EOGT: variants seen among roughly 807,000 people sequenced by gnomAD.
EOGT encodes EGF domain-specific O-linked N-acetylglucosamine transferase.
A neutral mutation model predicts 70.5 loss-of-function variants in EOGT; 55 were observed. That is an observed-to-expected ratio of 0.78 (90% CI 0.63 to 0.98). The LOEUF (loss-of-function observed/expected upper bound fraction) is 0.98, where lower values mean the gene tolerates loss of function less well. Among genes scored for constraint, EOGT ranks in the 50% least tolerant of loss-of-function variants. The pLI is 0.00. For synonymous variants in EOGT, 246 were observed against 217.1 expected (o/e 1.13, Z -1.17); for missense variants, 703 against 641.9 (o/e 1.10, Z -1.03).
chr3:68,982,833 G>A lies in EOGT; in HGVS notation c.1192C>T (p.Gln398Ter), dbSNP rs1575712990. ...ALKTVSTFEV[Q>*]IVDYKYRELG... ...TACCTATACTTGTAATCAACAATCT[G>A]GACTTCAAATGTAGATACTGTTTTC... The change falls in exon 15 of 18, where the codon CAG becomes TAG. Residue 398 changes from glutamine (Q) to a stop codon, truncating the protein, a stop_gained. Transcript: ENST00000383701. LOFTEE classifies it high-confidence loss of function. 4.4e-6 allele frequency: 7 copies of A among 1,605,868 alleles called. No homozygotes were observed. Among genetic ancestry groups the A allele is most frequent in the Non-Finnish European group, 6.0e-6 (7 of 1,176,408 alleles).
At chr3:69,011,844 T>C (rs1012772301) in intron 3 of EOGT, 92 bp downstream of exon 3, 2 of 152,136 alleles carry the variant, frequency 1.3e-5, no homozygotes, top group Non-Finnish European at 2.9e-5. Flanking sequence ...ACTTGGAGCT[T>C]TTATCCAAGA....
At position 68,988,285 on chromosome 3, in the gene EOGT, T is replaced by C. The variant is rs1295035522; in HGVS notation, c.1083+10A>G. On this transcript the variant is annotated intron_variant, in intron 13 of 17. Coordinates refer to ENST00000383701, the MANE Select transcript of EOGT (RefSeq NM_001278689.2). ...CAAGCCCACCTCAGAATCCGCAGTG[T>C]ATCCATTACCTTAGGTCCTTCTTGT... 7.9e-6 allele frequency: 12 copies of C among 1,526,318 alleles called. No individual in the cohort carries two copies. Among genetic ancestry groups the C allele is most frequent in the Non-Finnish European group, 1.1e-5 (12 of 1,138,462 alleles). 94.5% of individuals were successfully genotyped at this position (1,526,318 alleles called of 1,614,324 possible).
At chr3:68,991,493 A>T (rs567478150) in intron 10 of EOGT, among the ~76,000 whole-genome samples, 2 of 152,334 alleles carry the variant, frequency 1.3e-5, no homozygotes, top group African/African-American at 4.8e-5. Flanking sequence ...TGGGAAATGA[A>T]TACATGCACT....
In EOGT at chr3:68,985,271, C is replaced by T. The variant is rs549144548; in HGVS notation, c.1152+2174G>A. On this transcript the variant is annotated intron_variant, in intron 14 of 17. Coordinates refer to ENST00000383701, the MANE Select transcript of EOGT (RefSeq NM_001278689.2). ...CTTTAAACACACACATACAAACACACACACTGCTCATTTCTTCCATCCACA... is the reference window on the plus strand; with the variant it reads ...CTTTAAACACACACATACAAACACATACACTGCTCATTTCTTCCATCCACA... 5.3e-5 allele frequency among the ~76,000 whole-genome samples: 8 copies of T among 152,302 alleles called. No individual in the cohort carries two copies. The East Asian group carries it at 9.7e-4, about 18-fold the overall frequency.
intron 4 of EOGT, 91 bp from the exon 5 acceptor site, chr3:69,008,619 G>A: frequency 1.2e-6 from 1 of 848,282 alleles, no homozygotes. Context: ...TCATTATAGA[G>A]CATTCACATT....
intron 10 of EOGT, among the ~76,000 whole-genome samples, chr3:68,995,982 T>C (rs2091136889): frequency 6.6e-6 from 1 of 152,164 alleles, no homozygotes; most frequent in African/African-American, 2.4e-5. Context: ...AATTACAAAA[T>C]TTAAAAATAG....
At chr3:68,995,924 A>G (rs1327873254) in intron 10 of EOGT, among the ~76,000 whole-genome samples, 2 of 152,178 alleles carry the variant, frequency 1.3e-5, no homozygotes, top group Non-Finnish European at 2.9e-5. Flanking sequence ...ATGAAAACTC[A>G]AGTCCACGGG....
chr3:69,013,279 C>A (rs988856065), intron 1 of EOGT, among the ~76,000 whole-genome samples: 2 of 151,624 alleles, frequency 1.3e-5, no homozygotes, highest in Non-Finnish European at 2.9e-5. Context: ...CCCCGGGGAG[C>A]GGCTCCGCCC....
chr3:69,008,743 G>A (rs1423735712), intron 4 of EOGT, among the ~76,000 whole-genome samples: 4 of 152,062 alleles, frequency 2.6e-5, no homozygotes, highest in Non-Finnish European at 5.9e-5. Flanking sequence ...CCACCATATC[G>A]GTCCCCTAAC....
intron 6 of EOGT, among the ~76,000 whole-genome samples, chr3:69,006,931 C>A (rs1306667657): frequency 1.3e-5 from 2 of 152,210 alleles, no homozygotes; most frequent in Non-Finnish European, 2.9e-5. Flanking sequence ...GATAAAGTGG[C>A]ATCAGTAGTA....
At chr3:69,004,580 A>G in intron 7 of EOGT, 98 bp from the exon 8 acceptor site, 1 of 751,410 alleles carries the variant, frequency 1.3e-6, no homozygotes, top group Non-Finnish European at 2.2e-6. Flanking sequence ...TCCAAACTGA[A>G]TTTTTTAAAA....
At chr3:68,987,142 C>G (rs1194474297) in intron 14 of EOGT, among the ~76,000 whole-genome samples, 2 of 152,210 alleles carry the variant, frequency 1.3e-5, no homozygotes, top group Non-Finnish European at 2.9e-5. Context: ...GAAAGTCTTA[C>G]ATTTTTGCTA....
At chr3:69,007,327 T>G (rs2091460869) in intron 6 of EOGT, among the ~76,000 whole-genome samples, 1 of 152,092 alleles carries the variant, frequency 6.6e-6, no homozygotes, top group Admixed American at 6.6e-5. Context: ...AGCTAAATGA[T>G]AAATATTAAA....
chr3:69,007,505 A>AGCCGGG (rs2091464277), intron 6 of EOGT, among the ~76,000 whole-genome samples: 1 of 22,076 alleles, frequency 4.5e-5, no homozygotes, highest in Non-Finnish European at 9.8e-5. Context: ...TATAAAAATT[A>AGCCGGG]GCGGGGGGGG....
At chr3:69,003,261 T>C (rs991216103) in intron 8 of EOGT, among the ~76,000 whole-genome samples, 1 of 152,206 alleles carries the variant, frequency 6.6e-6, no homozygotes, top group East Asian at 1.9e-4. Context: ...TATGAGATAT[T>C]ATCATTAGAG....
Position 68,975,738 on chromosome 3 carries a change from T to C in EOGT, c.*1880A>G, listed in dbSNP as rs979520374. 16 of 152,170 alleles carry C rather than the reference T, an allele frequency of 1.1e-4. No individual in the cohort carries two copies. The highest frequency in any genetic ancestry group is 2.7e-4 in the African/African-American group (11 of 41,452). The allele number at this position is 152,170 out of a possible 1,614,324, so 9.4% of individuals were successfully genotyped here. On this transcript the variant is annotated 3_prime_UTR_variant, in exon 18 of 18. Transcript: ENST00000383701. Reference sequence around the variant, plus strand: ...GATTTTAAGGTCTGAATCAAAGCCATTGCTACAGTGATTCACTATTTTCTT... The same window carrying C: ...GATTTTAAGGTCTGAATCAAAGCCACTGCTACAGTGATTCACTATTTTCTT...
chr3:68,985,785 C>T lies in EOGT; in HGVS notation c.1152+1660G>A, dbSNP rs993961122. Among the ~76,000 whole-genome samples, 9 of 152,310 alleles carry T rather than the reference C, an allele frequency of 5.9e-5. No homozygotes were observed. In the East Asian group the frequency reaches 1.5e-3, roughly 26 times the overall value. On this transcript the variant is annotated intron_variant, in intron 14 of 17. Coordinates refer to ENST00000383701, the MANE Select transcript of EOGT (RefSeq NM_001278689.2). Reference sequence around the variant, plus strand: ...TCCCTCTGTATTTGTTTTCTATCTGCTGCTGTAACAAACTGCCACAAATTT... The same window carrying T: ...TCCCTCTGTATTTGTTTTCTATCTGTTGCTGTAACAAACTGCCACAAATTT...
At chr3:68,978,280 T>C in intron 17 of EOGT, 53 bp downstream of exon 17, 2 of 1,278,064 alleles carry the variant, frequency 1.6e-6, no homozygotes, top group Non-Finnish European at 2.3e-6. Context: ...AATAATTGGA[T>C]ACTTTAAACC....
At chr3:69,003,504 C>T (rs1053134073) in intron 8 of EOGT, among the ~76,000 whole-genome samples, 3 of 152,164 alleles carry the variant, frequency 2.0e-5, no homozygotes. Context: ...GTAAGACGTG[C>T]CTTTGTTCCT....
Sources: allele counts gnomAD v4.1 joint callset (sites outside exome capture counted in the v4.1 genomes callset), GRCh38; gene constraint gnomAD v4.1.1; transcripts MANE v1.5; gene names NCBI Gene and HGNC (gene_info 2026-07-23, HGNC 2026-07-21).